Variants in TAS2R1 observed in about 807,000 individuals in gnomAD.
TAS2R1 encodes taste receptor type 2 member 1.
For synonymous variants in TAS2R1, 141 were observed against 134.2 expected (o/e 1.05, Z -0.35); for missense variants, 370 against 353.4 (o/e 1.05, Z -0.38).
At chr5:9,725,715 C>T in the TAS2R1 span, among the ~76,000 whole-genome samples, 5 of 152,322 alleles carry the variant, frequency 3.3e-5, no homozygotes, top group African/African-American at 1.2e-4. Context: ...GGAGTGCAGG[C>T]ACACGGCACG....
chr5:9,789,505 T>C, the TAS2R1 span, among the ~76,000 whole-genome samples: 1 of 152,194 alleles, frequency 6.6e-6, no homozygotes, highest in Non-Finnish European at 1.5e-5. Flanking sequence ...AATTACAACG[T>C]TGCATAGATT....
the TAS2R1 span, among the ~76,000 whole-genome samples, chr5:9,805,054 T>C: frequency 6.6e-6 from 1 of 151,222 alleles, no homozygotes; most frequent in Non-Finnish European, 1.5e-5. Flanking sequence ...ACAAAACAAA[T>C]GGGAGATATT....
intron 2 of TAS2R1, among the ~76,000 whole-genome samples, chr5:9,640,689 C>T (rs1740065665): frequency 6.6e-6 from 1 of 152,060 alleles, no homozygotes; most frequent in South Asian, 2.1e-4. Context: ...GGTTAACCCA[C>T]CTGCGCCCTG....
At chr5:9,901,246 T>C in the TAS2R1 span, among the ~76,000 whole-genome samples, 1 of 150,552 alleles carries the variant, frequency 6.6e-6, no homozygotes. Context: ...AGAGATGATG[T>C]AGCAGCAGAA....
the TAS2R1 span, among the ~76,000 whole-genome samples, chr5:9,749,138 A>G: frequency 6.6e-6 from 1 of 152,324 alleles, no homozygotes; most frequent in South Asian, 2.1e-4. Context: ...AAAATACAGA[A>G]TTTTACTCAG....
At chr5:9,653,861 C>T (rs571555664) in intron 2 of TAS2R1, among the ~76,000 whole-genome samples, 1 of 152,288 alleles carries the variant, frequency 6.6e-6, no homozygotes, top group East Asian at 1.9e-4. Flanking sequence ...GCCACAACCA[C>T]TCTCTCCTAA....
At chr5:9,899,529 C>T in the TAS2R1 span, among the ~76,000 whole-genome samples, 101 of 151,594 alleles carry the variant, frequency 6.7e-4, no homozygotes, top group African/African-American at 2.3e-3. Context: ...CCCAGCTACT[C>T]GGGAGGCTGA....
the TAS2R1 span, among the ~76,000 whole-genome samples, chr5:9,824,216 G>T: frequency 6.6e-6 from 1 of 152,156 alleles, no homozygotes. Context: ...CTATAAAACT[G>T]ACAGTAATTC....
At chr5:9,665,188 C>T (rs980907647) in intron 1 of TAS2R1, among the ~76,000 whole-genome samples, 2 of 152,166 alleles carry the variant, frequency 1.3e-5, no homozygotes, top group Admixed American at 6.5e-5. Context: ...TGACACATGA[C>T]CTCCATCTGT....
chr5:9,775,583 A>G, the TAS2R1 span, among the ~76,000 whole-genome samples: 5 of 152,184 alleles, frequency 3.3e-5, no homozygotes. Context: ...CAGGGCCCAC[A>G]GTGAGTACTG....
At chr5:9,793,198 C>A in the TAS2R1 span, among the ~76,000 whole-genome samples, 1 of 152,008 alleles carries the variant, frequency 6.6e-6, no homozygotes, top group African/African-American at 2.4e-5. Flanking sequence ...TCTTTGTGGG[C>A]TTTTTGTTCC....
the TAS2R1 span, among the ~76,000 whole-genome samples, chr5:9,762,351 G>A: frequency 6.6e-6 from 1 of 152,144 alleles, no homozygotes; most frequent in Admixed American, 6.5e-5. Flanking sequence ...TATTTTTGGT[G>A]AGAGTCAAGG....
At chr5:9,731,798 C>T in the TAS2R1 span, among the ~76,000 whole-genome samples, 3 of 152,180 alleles carry the variant, frequency 2.0e-5, no homozygotes, top group African/African-American at 7.2e-5. Flanking sequence ...AGCTGTCCTT[C>T]CTACTAGACC....
At chr5:9,826,867 T>C in the TAS2R1 span, among the ~76,000 whole-genome samples, 3 of 152,158 alleles carry the variant, frequency 2.0e-5, no homozygotes, top group Non-Finnish European at 4.4e-5. Context: ...TTTTCCTGCC[T>C]TCTACTTACC....
chr5:9,638,793 C>CCA (rs1177737692), intron 2 of TAS2R1, among the ~76,000 whole-genome samples: 4 of 152,100 alleles, frequency 2.6e-5, no homozygotes, highest in Non-Finnish European at 4.4e-5. Context: ...GTGGGGCTTG[C>CCA]CACAGCCACT....
the TAS2R1 span, among the ~76,000 whole-genome samples, chr5:9,798,350 T>A: frequency 6.6e-6 from 1 of 152,062 alleles, no homozygotes; most frequent in African/African-American, 2.4e-5. Context: ...ACAAAAAAAA[T>A]TGAATTGTAT....
the TAS2R1 span, among the ~76,000 whole-genome samples, chr5:9,733,634 T>C: frequency 6.6e-6 from 1 of 152,194 alleles, no homozygotes; most frequent in Non-Finnish European, 1.5e-5. Context: ...GTTACCTCAC[T>C]GCTCAGAAAT....
chr5:9,652,437 T>C (rs1345003891), intron 2 of TAS2R1, among the ~76,000 whole-genome samples: 1 of 152,120 alleles, frequency 6.6e-6, no homozygotes, highest in African/African-American at 2.4e-5. Context: ...CCATAAACAC[T>C]ACCCAGTTAC....
chr5:9,694,137 GC>G (rs1464070120), intron 1 of TAS2R1, among the ~76,000 whole-genome samples: 1 of 152,106 alleles, frequency 6.6e-6, no homozygotes, highest in Non-Finnish European at 1.5e-5. Flanking sequence ...GGTCCCCTTT[GC>G]CAAAATTAAG....
Sources: allele counts gnomAD v4.1 joint callset (sites outside exome capture counted in the v4.1 genomes callset), GRCh38; gene constraint gnomAD v4.1.1; transcripts MANE v1.5; gene names NCBI Gene and HGNC (gene_info 2026-07-23, HGNC 2026-07-21).